Variants in EIF4ENIF1 observed in about 807,000 individuals in gnomAD.
The protein encoded by EIF4ENIF1 is eukaryotic translation initiation factor 4E nuclear import factor 1.
Under a neutral mutation model 110.5 loss-of-function variants are expected in EIF4ENIF1, and 23 were observed. The ratio of observed to expected loss-of-function variants is 0.21; its 90% CI spans 0.15 to 0.29. The LOEUF (loss-of-function observed/expected upper bound fraction) is 0.29, where lower values mean the gene tolerates loss of function less well. Among genes scored for constraint, EIF4ENIF1 ranks in the 10% least tolerant of loss-of-function variants. The pLI is 1.00. For synonymous variants in EIF4ENIF1, 440 were observed against 437.0 expected (o/e 1.01, Z -0.09); for missense variants, 1,031 against 1,221.1 (o/e 0.84, Z 2.32).
intron 9 of EIF4ENIF1, 45 bp from the exon 10 acceptor site, chr22:31,454,421 C>G (rs1395621641): frequency 4.6e-6 from 7 of 1,528,688 alleles, no homozygotes; most frequent in African/African-American, 2.7e-5. Flanking sequence ...AAAGAGATAT[C>G]TGGTAGGAAT....
chr22:31,447,662 AGCTG>A, intron 13 of EIF4ENIF1, 97 bp from the exon 14 acceptor site: 1 of 1,392,110 alleles, frequency 7.2e-7, no homozygotes, highest in Non-Finnish European at 9.6e-7. Flanking sequence ...GTTAAGCAGA[AGCTG>A]AAAAAAATTA....
At chr22:31,455,397 T>A in intron 8 of EIF4ENIF1, 82 bp from the exon 9 acceptor site, 7 of 673,780 alleles carry the variant, frequency 1.0e-5, no homozygotes, top group Middle Eastern at 4.9e-4. Flanking sequence ...CTTTCTTTCT[T>A]TTTTTTTTTT....
chr22:31,447,643 G>A, intron 13 of EIF4ENIF1, 78 bp from the exon 14 acceptor site: 2 of 1,482,948 alleles, frequency 1.3e-6, no homozygotes, highest in Non-Finnish European at 1.8e-6. Context: ...TTCACTCTTA[G>A]AAAGGTATGT....
At chr22:31,447,950 C>T (rs1368006717) in intron 13 of EIF4ENIF1, among the ~76,000 whole-genome samples, 2 of 152,136 alleles carry the variant, frequency 1.3e-5, no homozygotes, top group African/African-American at 4.8e-5. Context: ...TGCCGCTATA[C>T]CTGGCTCATT....
At chr22:31,481,166 A>AT (rs1275720010) in intron 2 of EIF4ENIF1, among the ~76,000 whole-genome samples, 3 of 150,748 alleles carry the variant, frequency 2.0e-5, no homozygotes, top group East Asian at 2.1e-4. Flanking sequence ...AGATTGAATA[A>AT]TTTTTTTTTC....
intron 2 of EIF4ENIF1, among the ~76,000 whole-genome samples, chr22:31,482,511 G>A (rs189912134): frequency 1.1e-3 from 162 of 151,914 alleles, no homozygotes; most frequent in Non-Finnish European, 1.7e-3. Context: ...GTGAAACCCC[G>A]TTTCTAATAA....
In EIF4ENIF1 at chr22:31,441,240, G is replaced by A. The variant is rs139808380; in HGVS notation, c.2552-372C>T. ...TGCACTCTAGCCTGGGCGACAGAGC[G>A]AGACTCAAAAAAGAATGAAGAATTC... On this transcript the variant is annotated intron_variant, in intron 17 of 18. Coordinates refer to ENST00000330125, the MANE Select transcript of EIF4ENIF1 (RefSeq NM_019843.4). Among the ~76,000 whole-genome samples, 11 of 151,792 alleles carry A rather than the reference G, an allele frequency of 7.2e-5. No individual in the cohort carries two copies. In the East Asian group the frequency reaches 1.4e-3, roughly 19 times the overall value.
At chr22:31,490,440 T>C (rs993295174), upstream of EIF4ENIF1, among the ~76,000 whole-genome samples, 12 of 152,238 alleles carry the variant, frequency 7.9e-5, no homozygotes, top group African/African-American at 2.9e-4. Flanking sequence ...GTTTCTAAAA[T>C]GGCCTCTGTA....
At chr22:31,491,892 T>A (rs2052289710), upstream of EIF4ENIF1, among the ~76,000 whole-genome samples, 1 of 152,160 alleles carries the variant, frequency 6.6e-6, no homozygotes, top group South Asian at 2.1e-4. Context: ...GATTTCTGGT[T>A]ACCTACTGTT....
At chr22:31,488,778 A>G in intron 1 of EIF4ENIF1, 33 bp from the exon 2 acceptor site, 1 of 1,564,332 alleles carries the variant, frequency 6.4e-7, no homozygotes, top group Non-Finnish European at 8.6e-7. Context: ...ATTGTCACCG[A>G]GAACAGTAAG....
chr22:31,484,038 A>G (rs1463108545), intron 2 of EIF4ENIF1, among the ~76,000 whole-genome samples: 1 of 152,212 alleles, frequency 6.6e-6, no homozygotes, highest in Non-Finnish European at 1.5e-5. Context: ...ACCCCAAAGA[A>G]TAACTATGCA....
At chr22:31,479,427 G>C (rs1268280760) in intron 2 of EIF4ENIF1, 1 of 152,038 alleles carries the variant, frequency 6.6e-6, no homozygotes, top group Non-Finnish European at 1.5e-5. Flanking sequence ...TCCTTGCGCA[G>C]GGGCCATGCT....
At chr22:31,448,382 C>A (rs2050542800) in intron 12 of EIF4ENIF1, 150 bp from the exon 13 acceptor site, 1 of 784,718 alleles carries the variant, frequency 1.3e-6, no homozygotes. Flanking sequence ...CCTCTGTGCC[C>A]CAACAGTGGG....
chr22:31,453,284 T>C, intron 10 of EIF4ENIF1: 1 of 333,908 alleles, frequency 3.0e-6, no homozygotes, highest in South Asian at 2.4e-5. Context: ...GTAACCTAAC[T>C]TCATGCCTAC....
intron 2 of EIF4ENIF1, among the ~76,000 whole-genome samples, chr22:31,475,865 A>G (rs1257166745): frequency 6.6e-6 from 1 of 152,064 alleles, no homozygotes; most frequent in Non-Finnish European, 1.5e-5. Context: ...CAAAAAAAGA[A>G]AAAAACAAAA....
downstream of EIF4ENIF1, chr22:31,439,231 GC>G (rs775010022): frequency 4.6e-5 from 7 of 152,436 alleles, no homozygotes; most frequent in Non-Finnish European, 1.0e-4. Flanking sequence ...GATCGCTTGA[GC>G]CCAGGAGGTT....
chr22:31,471,823 G>A (rs1427930657), intron 3 of EIF4ENIF1, 21 bp downstream of exon 3: 6 of 1,580,972 alleles, frequency 3.8e-6, no homozygotes, highest in Non-Finnish European at 4.3e-6. Context: ...AAGTAGTTAA[G>A]GACTAGAATG....
intron 2 of EIF4ENIF1, among the ~76,000 whole-genome samples, chr22:31,485,287 G>A (rs905341136): frequency 7.9e-5 from 12 of 152,246 alleles, no homozygotes; most frequent in African/African-American, 2.2e-4. Flanking sequence ...ATTTATCTAC[G>A]TATGACAGAA....
chr22:31,467,787 C>T (rs983263795), intron 4 of EIF4ENIF1, among the ~76,000 whole-genome samples: 5 of 150,796 alleles, frequency 3.3e-5, no homozygotes, highest in Non-Finnish European at 7.4e-5. Context: ...AGCAAGACTC[C>T]GTCTCAAAAA....
Sources: allele counts gnomAD v4.1 joint callset (sites outside exome capture counted in the v4.1 genomes callset), GRCh38; gene constraint gnomAD v4.1.1; transcripts MANE v1.5; gene names NCBI Gene and HGNC (gene_info 2026-07-23, HGNC 2026-07-21).